NCOA2: variants seen among roughly 807,000 people sequenced by gnomAD.
NCOA2 encodes the protein nuclear receptor coactivator 2, also known as class E basic helix-loop-helix protein 75.
NCOA2 carries 21 observed loss-of-function variants against 145.1 expected under a neutral mutation model. The observed-to-expected ratio is 0.14, with a 90% CI of 0.10 to 0.21. NCOA2 has a LOEUF of 0.21. Among genes scored for constraint, NCOA2 ranks in the 10% least tolerant of loss-of-function variants. The pLI is 1.00. For missense variants in NCOA2, 1,472 were observed against 1,837.6 expected (o/e 0.80, Z 3.64); for synonymous variants, 619 against 637.5 (o/e 0.97, Z 0.44).
In NCOA2 at chr8:70,131,737, T is replaced by C. The variant is rs116368802; in HGVS notation, c.3324+100A>G. 3,069 of 1,256,262 alleles carry C rather than the reference T, an allele frequency of 2.4e-3. 73 individuals carry two copies. In the African/African-American group the frequency reaches 0.042, roughly 17 times the overall value. 77.8% of individuals were successfully genotyped at this position (1,256,262 alleles called of 1,614,324 possible). Reference sequence around the variant, plus strand: ...TGAGGTAAAAAAAACAACAACAATATATTCTAAAAAGCAGACCGTGGAGTA... The same window carrying C: ...TGAGGTAAAAAAAACAACAACAATACATTCTAAAAAGCAGACCGTGGAGTA... On this transcript the variant is annotated intron_variant, in intron 16 of 22. Coordinates refer to ENST00000452400, the MANE Select transcript of NCOA2 (RefSeq NM_006540.4).
At chr8:70,200,461 T>G (rs555843172) in intron 4 of NCOA2, among the ~76,000 whole-genome samples, 1 of 152,284 alleles carries the variant, frequency 6.6e-6, no homozygotes, top group East Asian at 1.9e-4. Flanking sequence ...TGCACTGTAA[T>G]TTACTGATCT....
intron 2 of NCOA2, among the ~76,000 whole-genome samples, chr8:70,285,827 T>C (rs1185563197): frequency 1.3e-5 from 2 of 152,178 alleles, no homozygotes; most frequent in South Asian, 2.1e-4. Flanking sequence ...AGGGCTTTCA[T>C]GTAATCAACA....
intron 1 of NCOA2, among the ~76,000 whole-genome samples, chr8:70,383,541 T>C (rs1168423212): frequency 2.0e-5 from 3 of 152,186 alleles, no homozygotes; most frequent in Non-Finnish European, 4.4e-5. Flanking sequence ...GTTTCGCTCT[T>C]GCTGCCCAGG....
chr8:70,289,395 G>A (rs1826495245), intron 2 of NCOA2, among the ~76,000 whole-genome samples: 1 of 152,158 alleles, frequency 6.6e-6, no homozygotes, highest in Non-Finnish European at 1.5e-5. Flanking sequence ...AAAAGTCTCA[G>A]TACTCATATC....
At chr8:70,453,147 G>C in the NCOA2 span, among the ~76,000 whole-genome samples, 1 of 152,190 alleles carries the variant, frequency 6.6e-6, no homozygotes, top group Non-Finnish European at 1.5e-5. Context: ...TGTTAATTCA[G>C]GAGAGGGCTT....
At chr8:70,123,859 G>C (rs908411557) in intron 21 of NCOA2, 25 bp downstream of exon 21, 1 of 1,572,602 alleles carries the variant, frequency 6.4e-7, no homozygotes, top group African/African-American at 1.4e-5. Flanking sequence ...TGAAGCCACT[G>C]GGTTGCTTCT....
At chr8:70,320,697 A>G (rs1420727102) in intron 1 of NCOA2, among the ~76,000 whole-genome samples, 1 of 152,190 alleles carries the variant, frequency 6.6e-6, no homozygotes. Flanking sequence ...ATATATCAAA[A>G]TACACTAACA....
the NCOA2 span, among the ~76,000 whole-genome samples, chr8:70,451,392 A>AGT: frequency 8.7e-6 from 1 of 114,308 alleles, no homozygotes; most frequent in Admixed American, 8.9e-5. Context: ...TGGATGACAG[A>AGT]GTGAGACCAA....
intron 2 of NCOA2, among the ~76,000 whole-genome samples, chr8:70,292,877 G>A (rs1037213150): frequency 1.3e-5 from 2 of 152,168 alleles, no homozygotes; most frequent in Non-Finnish European, 2.9e-5. Context: ...TCCAACTGCT[G>A]GCTTTGTGTC....
rs1179628307 is a variant in NCOA2, at chr8:70,219,641, TG to T, written c.-19-2878del. Among the ~76,000 whole-genome samples the T allele has an allele frequency of 6.7e-5, 10 of 148,464 alleles. No individual in the cohort carries two copies. In the East Asian group the frequency reaches 1.4e-3, roughly 21 times the overall value. On this transcript the variant is annotated intron_variant, in intron 2 of 22. Transcript: ENST00000452400. ...AAGGAGACAGACCTGAGACCAAAAG[TG>T]GGGGGAGCGAATGTAACACTGACAC...
chr8:70,240,542 A>C (rs1271369455), intron 2 of NCOA2, among the ~76,000 whole-genome samples: 1 of 152,092 alleles, frequency 6.6e-6, no homozygotes, highest in East Asian at 1.9e-4. Context: ...TGATGTTGAA[A>C]ATGGCCCCCA....
At chr8:70,209,599 T>TC (rs1818808146) in intron 4 of NCOA2, among the ~76,000 whole-genome samples, 1 of 152,174 alleles carries the variant, frequency 6.6e-6, no homozygotes, top group Admixed American at 6.5e-5. Flanking sequence ...CCCACCCTGA[T>TC]CAGTCAGCAG....
chr8:70,305,530 G>A (rs189064782), intron 1 of NCOA2, among the ~76,000 whole-genome samples: 9 of 152,128 alleles, frequency 5.9e-5, no homozygotes, highest in Admixed American at 2.6e-4. Flanking sequence ...AACTTAAAAC[G>A]GACCCGGATG....
At chr8:70,383,353 G>A (rs1812383296) in intron 1 of NCOA2, among the ~76,000 whole-genome samples, 1 of 152,190 alleles carries the variant, frequency 6.6e-6, no homozygotes, top group Non-Finnish European at 1.5e-5. Flanking sequence ...CAGACACACT[G>A]TCAGAAGTTT....
chr8:70,411,666 T>C, the NCOA2 span, among the ~76,000 whole-genome samples: 1 of 152,352 alleles, frequency 6.6e-6, no homozygotes, highest in African/African-American at 2.4e-5. Flanking sequence ...GAACAAACTA[T>C]AGCTTCACAC....
chr8:70,228,132 G>C (rs1330757465), intron 2 of NCOA2, among the ~76,000 whole-genome samples: 4 of 151,950 alleles, frequency 2.6e-5, no homozygotes, highest in Non-Finnish European at 5.9e-5. Context: ...AATTACCTTG[G>C]CACCTAAAAA....
intron 4 of NCOA2, among the ~76,000 whole-genome samples, chr8:70,187,384 C>T (rs1024963296): frequency 6.6e-6 from 1 of 152,114 alleles, no homozygotes; most frequent in African/African-American, 2.4e-5. Flanking sequence ...TGGTAATATC[C>T]TCAGTAATTT....
In NCOA2 at chr8:70,181,325, A is replaced by C. The variant is rs114650252; in HGVS notation, c.260-6466T>G. 5.9e-3 allele frequency among the ~76,000 whole-genome samples: 894 copies of C among 152,316 alleles called. 5 individuals carry two copies. Among genetic ancestry groups the C allele is most frequent in the African/African-American group, 0.02 (832 of 41,576 alleles). On this transcript the variant is annotated intron_variant, in intron 4 of 22. Coordinates refer to ENST00000452400, the MANE Select transcript of NCOA2 (RefSeq NM_006540.4). ...GACACTGTCATTATGGTAGAAGTTG[A>C]TACTCTTGCTTTTTCCTTTTTTGGG...
At chr8:70,308,104 TATGTCTCTGA>T (rs1014359138) in intron 1 of NCOA2, among the ~76,000 whole-genome samples, 1 of 152,160 alleles carries the variant, frequency 6.6e-6, no homozygotes, top group African/African-American at 2.4e-5. Context: ...GTACCCAAAA[TATGTCTCTGA>T]ACTGTAACTA....
Sources: allele counts gnomAD v4.1 joint callset (sites outside exome capture counted in the v4.1 genomes callset), GRCh38; gene constraint gnomAD v4.1.1; transcripts MANE v1.5; gene names NCBI Gene and HGNC (gene_info 2026-07-23, HGNC 2026-07-21).